The following CHODL variants were observed in gnomAD, a reference collection of about 807,000 sequenced individuals.
The protein encoded by CHODL is transmembrane protein MT75.
A neutral mutation model predicts 34.5 loss-of-function variants in CHODL; 29 were observed. The ratio of observed to expected loss-of-function variants is 0.84; its 90% CI spans 0.63 to 1.15. The LOEUF is 1.15. Among genes scored for constraint, CHODL ranks in the 50% most tolerant of loss-of-function variants. The probability of loss-of-function intolerance (pLI) is 0.00; values close to 1 mark genes in which losing one functional copy is unlikely to be tolerated. For synonymous variants in CHODL, 125 were observed against 116.1 expected, an observed-to-expected ratio of 1.08 and a Z score of -0.49; for missense variants, 332 against 332.5, an observed-to-expected ratio of 1.00 and a Z score of 0.01.
At position 18,001,608 on chromosome 21, in the gene CHODL, T is replaced by G. The variant is rs540979988; in HGVS notation, c.-144-26264T>G. Among the ~76,000 whole-genome samples, 30 of 152,326 alleles carry G rather than the reference T, an allele frequency of 2.0e-4. No homozygotes were observed. In the South Asian group the frequency reaches 5.0e-3, roughly 25 times the overall value. The stretch of plus-strand genomic sequence containing the variant: ...ACATTTAGTCCCCGTTTACACTATA[T>G]TACATTGTTATATGTTGCTTCTTCG... On this transcript the variant is annotated intron_variant, in intron 1 of 6. Transcript: ENST00000400127.
intron 2 of CHODL, among the ~76,000 whole-genome samples, chr21:18,175,271 A>G (rs953726221): frequency 6.6e-6 from 1 of 152,056 alleles, no homozygotes; most frequent in Non-Finnish European, 1.5e-5. Flanking sequence ...TTTTTCATCT[A>G]TTCATTCATT....
At chr21:17,966,343 A>G (rs763762369) in intron 1 of CHODL, among the ~76,000 whole-genome samples, 1 of 152,230 alleles carries the variant, frequency 6.6e-6, no homozygotes, top group Non-Finnish European at 1.5e-5. Context: ...ACAGTTCCAC[A>G]TTTGGGCGGC....
chr21:18,118,528 G>T lies in CHODL; in HGVS notation c.-45+90557G>T, dbSNP rs550033562. 1.1e-4 allele frequency among the ~76,000 whole-genome samples: 16 copies of T among 152,236 alleles called. 1 individual carries two copies. In the South Asian group the frequency reaches 3.3e-3, roughly 32 times the overall value. The stretch of plus-strand genomic sequence containing the variant: ...ATCATAAATCACTCTTCCAATAAAA[G>T]TATAAAGCAGTAGCCAATACTGTAA... On this transcript the variant is annotated intron_variant, in intron 2 of 6. Transcript: ENST00000400127.
intron 3 of CHODL, among the ~76,000 whole-genome samples, chr21:18,258,518 A>AG (rs2074343766): frequency 6.6e-6 from 1 of 152,070 alleles, no homozygotes; most frequent in Non-Finnish European, 1.5e-5. Context: ...GCCATTATTT[A>AG]GGACACTGTA....
intron 2 of CHODL, among the ~76,000 whole-genome samples, chr21:18,108,836 GTTGTGTGTGT>G (rs764991416): frequency 0.018 from 1,936 of 109,380 alleles, 22 homozygotes; most frequent in Non-Finnish European, 0.028. Flanking sequence ...TCTTTGCAAT[GTTGTGTGTGT>G]GTGTGTGTGT....
chr21:18,017,567 C>A lies in CHODL; in HGVS notation c.-144-10305C>A, dbSNP rs1021360677. ...GTTAAGCCTGTAAGCATGCAGATTG[C>A]AAGAGTGAGTGAGGCTTGGCAGTCT... On this transcript the variant is annotated intron_variant, in intron 1 of 6. Coordinates refer to the CHODL transcript ENST00000400127. 3.9e-5 allele frequency among the ~76,000 whole-genome samples: 6 copies of A among 152,284 alleles called. 1 individual carries two copies. Among genetic ancestry groups the A allele is most frequent in the Admixed American group, 1.3e-4 (2 of 15,290 alleles).
At chr21:18,112,110 A>G (rs1459492571) in intron 2 of CHODL, among the ~76,000 whole-genome samples, 1 of 152,246 alleles carries the variant, frequency 6.6e-6, no homozygotes. Flanking sequence ...CATGTGGACT[A>G]TAATAGTAAT....
chr21:18,131,482 T>G (rs558557236), intron 2 of CHODL, among the ~76,000 whole-genome samples: 22 of 152,310 alleles, frequency 1.4e-4, no homozygotes, highest in African/African-American at 5.3e-4. Context: ...AATTAGAATG[T>G]TGAAAGTTGA....
chr21:17,980,504 A>G (rs1374783923), intron 1 of CHODL, among the ~76,000 whole-genome samples: 4 of 152,212 alleles, frequency 2.6e-5, no homozygotes, highest in African/African-American at 9.6e-5. Context: ...CATTTGAATC[A>G]GCAACCTGTG....
intron 1 of CHODL, among the ~76,000 whole-genome samples, chr21:18,018,420 T>C (rs1329971378): frequency 6.6e-6 from 1 of 152,112 alleles, no homozygotes; most frequent in East Asian, 1.9e-4. Context: ...CCTCATGGCT[T>C]GGTGCTGTCT....
rs2074117862 is a variant in CHODL at position 18,244,890 on chromosome 21, C to G, written c.-334C>G. On this transcript the variant is annotated 5_prime_UTR_variant, in exon 1 of 6. Coordinates refer to ENST00000299295, the MANE Select transcript of CHODL (RefSeq NM_024944.3). ...GGCTCAGCCTCTCACTTGTCAGAGG[C>G]CGGGGAAGAGAAGCAAAGCGCAACG... 1 of 271,752 alleles carries G rather than the reference C, an allele frequency of 3.7e-6. No individual in the cohort carries two copies. The highest frequency in any genetic ancestry group is 7.2e-5 in the East Asian group (1 of 13,864). The allele number at this position is 271,752 out of a possible 1,614,324, so 16.8% of individuals were successfully genotyped here.
intron 1 of CHODL, chr21:18,245,918 A>G: frequency 6.5e-7 from 1 of 1,535,696 alleles, no homozygotes; most frequent in Non-Finnish European, 8.7e-7. Context: ...AAATGAAGTC[A>G]GCTGGAGTTG....
At chr21:18,103,643 G>A (rs1169176847) in intron 2 of CHODL, among the ~76,000 whole-genome samples, 1 of 152,140 alleles carries the variant, frequency 6.6e-6, no homozygotes, top group Non-Finnish European at 1.5e-5. Flanking sequence ...TCTCTCATGT[G>A]TCTGGAGCCA....
At chr21:17,948,429 G>A (rs916428306) in intron 1 of CHODL, among the ~76,000 whole-genome samples, 3 of 151,536 alleles carry the variant, frequency 2.0e-5, no homozygotes, top group African/African-American at 7.3e-5. Context: ...ATAGAAGGGT[G>A]GAAATAATAA....
chr21:18,166,301 C>CATAA (rs2073152974), intron 2 of CHODL, among the ~76,000 whole-genome samples: 1 of 152,164 alleles, frequency 6.6e-6, no homozygotes, highest in Non-Finnish European at 1.5e-5. Context: ...GTTCCAGGTG[C>CATAA]TCTTATGATT....
chr21:18,024,502 C>G (rs190279777), intron 1 of CHODL, among the ~76,000 whole-genome samples: 110 of 152,206 alleles, frequency 7.2e-4, no homozygotes, highest in African/African-American at 2.5e-3. Context: ...GTGAGCAAAT[C>G]CAAGGATGTT....
intron 2 of CHODL, among the ~76,000 whole-genome samples, chr21:18,216,822 C>T (rs1016583934): frequency 2.6e-5 from 4 of 152,110 alleles, no homozygotes; most frequent in African/African-American, 9.7e-5. Context: ...ACTTATCACA[C>T]AACCAGATCT....
intron 2 of CHODL, among the ~76,000 whole-genome samples, chr21:18,153,335 G>T (rs1243086450): frequency 6.6e-6 from 1 of 152,184 alleles, no homozygotes; most frequent in Non-Finnish European, 1.5e-5. Flanking sequence ...CCTTCTCCTT[G>T]TTGGCTATAG....
chr21:18,220,652 T>C (rs568057706), intron 2 of CHODL, among the ~76,000 whole-genome samples: 1 of 152,230 alleles, frequency 6.6e-6, no homozygotes, highest in South Asian at 2.1e-4. Flanking sequence ...TCTCTTTCAT[T>C]TTTGAATAAT....
Sources: gnomAD v4.1 joint callset for allele counts (sites outside exome capture counted in the v4.1 genomes callset) on GRCh38, gnomAD v4.1.1 for gene constraint, MANE v1.5 for transcripts, NCBI Gene and HGNC (gene_info 2026-07-23, HGNC 2026-07-21) for gene names.